The following NR3C2 variants were observed in gnomAD, a reference collection of about 807,000 sequenced individuals.
The protein encoded by NR3C2 is nuclear receptor subfamily 3 group C member 2.
A neutral mutation model predicts 86.4 loss-of-function variants in NR3C2; 15 were observed. The ratio of observed to expected loss-of-function variants is 0.17; its 90% confidence interval spans 0.12 to 0.27. The LOEUF (loss-of-function observed/expected upper bound fraction) is 0.27. Ranked by LOEUF, NR3C2 falls within the 10% of genes least tolerant of loss-of-function variation. NR3C2 has a pLI of 1.00. For missense variants in NR3C2, 960 were observed against 1,195.6 expected (o/e 0.80, Z 2.91); for synonymous variants, 458 against 450.5 (o/e 1.02, Z -0.21).
chr4:148,188,483 T>G (rs1265819506), intron 4 of NR3C2, among the ~76,000 whole-genome samples: 2 of 152,228 alleles, frequency 1.3e-5, no homozygotes, highest in Non-Finnish European at 2.9e-5. Flanking sequence ...GATTTTATAT[T>G]TTTTGCAGGT....
chr4:148,371,116 C>T (rs981111657), intron 2 of NR3C2, among the ~76,000 whole-genome samples: 5 of 152,192 alleles, frequency 3.3e-5, no homozygotes, highest in African/African-American at 4.8e-5. Context: ...TAGAGGCATG[C>T]AGTGCATAAT....
chr4:148,107,761 C>T (rs1731867973), intron 8 of NR3C2, among the ~76,000 whole-genome samples: 1 of 152,172 alleles, frequency 6.6e-6, no homozygotes, highest in Non-Finnish European at 1.5e-5. Context: ...AAAGCAAACA[C>T]TACATGTTCT....
intron 3 of NR3C2, among the ~76,000 whole-genome samples, chr4:148,217,877 G>A (rs1013108091): frequency 3.3e-5 from 5 of 152,168 alleles, no homozygotes; most frequent in Middle Eastern, 3.2e-3. Context: ...TGCAGCCTTC[G>A]TAATGAACCC....
intron 8 of NR3C2, among the ~76,000 whole-genome samples, chr4:148,106,022 G>C (rs1731781169): frequency 6.6e-6 from 1 of 152,060 alleles, no homozygotes; most frequent in Non-Finnish European, 1.5e-5. Flanking sequence ...TGGAAGTTCT[G>C]GCAAGAGAAA....
intron 2 of NR3C2, among the ~76,000 whole-genome samples, chr4:148,266,964 A>G (rs1740427746): frequency 2.0e-5 from 3 of 152,114 alleles, no homozygotes; most frequent in Non-Finnish European, 2.9e-5. Context: ...CAGTTTGGAG[A>G]GTTACGGGGA....
At chr4:148,351,309 A>AT (rs1561057626) in intron 2 of NR3C2, among the ~76,000 whole-genome samples, 1 of 151,900 alleles carries the variant, frequency 6.6e-6, no homozygotes, top group African/African-American at 2.4e-5. Flanking sequence ...CCATGCCCTA[A>AT]TTTTTTGTAT....
chr4:148,321,732 T>G, intron 2 of NR3C2, among the ~76,000 whole-genome samples: 1 of 152,194 alleles, frequency 6.6e-6, no homozygotes, highest in Admixed American at 6.5e-5. Context: ...ATTTTCTTGG[T>G]AGATCTTCCT....
chr4:148,216,960 A>G (rs766881582), intron 3 of NR3C2, among the ~76,000 whole-genome samples: 8 of 152,218 alleles, frequency 5.3e-5, no homozygotes, highest in Non-Finnish European at 1.0e-4. Flanking sequence ...ATTTGCTGAA[A>G]GCCACCACCA....
intron 6 of NR3C2, among the ~76,000 whole-genome samples, chr4:148,138,925 G>A (rs1733479076): frequency 6.6e-6 from 1 of 152,186 alleles, no homozygotes. Context: ...CCCCATTTGT[G>A]CTCATGCACA....
At chr4:148,130,274 T>G (rs150556389) in intron 6 of NR3C2, among the ~76,000 whole-genome samples, 1 of 152,232 alleles carries the variant, frequency 6.6e-6, no homozygotes, top group African/African-American at 2.4e-5. Context: ...ATAAATGTAA[T>G]CCTTTCACAT....
chr4:148,300,497 T>C (rs1383911573), intron 2 of NR3C2, among the ~76,000 whole-genome samples: 2 of 152,168 alleles, frequency 1.3e-5, no homozygotes, highest in African/African-American at 4.8e-5. Context: ...TAAAAGGCCT[T>C]TATGTTTTTC....
intron 2 of NR3C2, among the ~76,000 whole-genome samples, chr4:148,366,897 T>G (rs1746170919): frequency 6.6e-6 from 1 of 152,196 alleles, no homozygotes; most frequent in South Asian, 2.1e-4. Flanking sequence ...ATAATTACAC[T>G]GGCAACATGA....
At chr4:148,416,516 G>A (rs1479163750) in intron 2 of NR3C2, among the ~76,000 whole-genome samples, 2 of 152,154 alleles carry the variant, frequency 1.3e-5, no homozygotes, top group Admixed American at 1.3e-4. Context: ...TAAAACTGAG[G>A]ACACCTGGCT....
intron 8 of NR3C2, among the ~76,000 whole-genome samples, chr4:148,101,960 A>T (rs1465087934): frequency 2.6e-5 from 4 of 152,124 alleles, no homozygotes; most frequent in African/African-American, 9.7e-5. Flanking sequence ...CGTGAGCATT[A>T]CCATGCCTTG....
At chr4:148,174,761 C>G (rs778684458) in intron 4 of NR3C2, among the ~76,000 whole-genome samples, 1 of 152,156 alleles carries the variant, frequency 6.6e-6, no homozygotes, top group Non-Finnish European at 1.5e-5. Flanking sequence ...GCCAGGGTCC[C>G]TCCTTCTCCT....
chr4:148,092,904 G>A (rs1306281033), intron 8 of NR3C2, among the ~76,000 whole-genome samples: 1 of 152,164 alleles, frequency 6.6e-6, no homozygotes, highest in African/African-American at 2.4e-5. Context: ...TCATTGCAAT[G>A]AGTCAAATGC....
At chr4:148,306,760 T>G (rs1000039229) in intron 2 of NR3C2, among the ~76,000 whole-genome samples, 2 of 152,206 alleles carry the variant, frequency 1.3e-5, no homozygotes, top group African/African-American at 2.4e-5. Context: ...AACACATTCA[T>G]AGAGTTAAAT....
At chr4:148,297,670 TTTTC>T (rs1742118931) in intron 2 of NR3C2, among the ~76,000 whole-genome samples, 3 of 152,178 alleles carry the variant, frequency 2.0e-5, no homozygotes, top group African/African-American at 7.2e-5. Flanking sequence ...CAGAGTTTTC[TTTTC>T]TTATTATATC....
intron 2 of NR3C2, among the ~76,000 whole-genome samples, chr4:148,281,765 G>T (rs1444504476): frequency 6.6e-6 from 1 of 152,206 alleles, no homozygotes; most frequent in Non-Finnish European, 1.5e-5. Flanking sequence ...TCCTTGCTGT[G>T]CAGGGCATCA....
Sources: gnomAD v4.1 joint callset for allele counts (sites outside exome capture counted in the v4.1 genomes callset) on GRCh38, gnomAD v4.1.1 for gene constraint, MANE v1.5 for transcripts, NCBI Gene and HGNC (gene_info 2026-07-23, HGNC 2026-07-21) for gene names.